Variants in PLAAT1 observed in about 807,000 individuals in gnomAD.
PLAAT1 encodes the protein H-REV107 protein-related protein.
A neutral mutation model predicts 16.4 loss-of-function variants in PLAAT1; 13 were observed. The ratio of observed to expected loss-of-function variants is 0.79; its 90% CI spans 0.52 to 1.26. The LOEUF is 1.26. PLAAT1 is among the 50% of genes most tolerant of loss of function. The probability of loss-of-function intolerance (pLI) is 0.00; values close to 1 mark genes in which losing one functional copy is unlikely to be tolerated. For synonymous variants in PLAAT1, 73 were observed against 78.4 expected (o/e 0.93, Z 0.36); for missense variants, 218 against 207.8 (o/e 1.05, Z -0.30).
At chr3:193,269,039 A>G (rs1716881538) in intron 3 of PLAAT1, among the ~76,000 whole-genome samples, 1 of 151,836 alleles carries the variant, frequency 6.6e-6, no homozygotes, top group South Asian at 2.1e-4. Flanking sequence ...ATCTGCTGGA[A>G]TTGTACTAGG....
chr3:193,259,107 T>C (rs10460912), intron 2 of PLAAT1, among the ~76,000 whole-genome samples: 63,300 of 152,008 alleles, frequency 0.42, 14,102 homozygotes, highest in African/African-American at 0.56. Flanking sequence ...CACAAATCCA[T>C]AAATATGATT....
intron 1 of PLAAT1, among the ~76,000 whole-genome samples, chr3:193,255,120 G>T (rs759319928): frequency 2.0e-5 from 3 of 152,248 alleles, no homozygotes; most frequent in Non-Finnish European, 2.9e-5. Flanking sequence ...AAAGACTTCT[G>T]ATCTGATTTT....
chr3:193,256,442 C>T (rs574583438), intron 2 of PLAAT1, among the ~76,000 whole-genome samples: 6 of 151,846 alleles, frequency 4.0e-5, no homozygotes, highest in Admixed American at 3.9e-4. Context: ...ATATAGTATC[C>T]CAGGTCAAGG....
At chr3:193,266,689 G>A (rs1186303690) in intron 3 of PLAAT1, among the ~76,000 whole-genome samples, 3 of 152,098 alleles carry the variant, frequency 2.0e-5, no homozygotes, top group East Asian at 1.9e-4. Context: ...TCAGCATACT[G>A]TATTATGTAT....
intron 2 of PLAAT1, among the ~76,000 whole-genome samples, chr3:193,258,085 T>A (rs1716443814): frequency 6.6e-6 from 1 of 152,088 alleles, no homozygotes; most frequent in South Asian, 2.1e-4. Flanking sequence ...ATCGTGTGAG[T>A]CAATACTCCT....
intron 1 of PLAAT1, among the ~76,000 whole-genome samples, chr3:193,251,629 G>A (rs983585405): frequency 2.0e-5 from 3 of 152,162 alleles, no homozygotes; most frequent in Admixed American, 6.6e-5. Context: ...AACATTAGGT[G>A]TAAGACAGAA....
At chr3:193,241,619 A>G (rs2108772987) in intron 1 of PLAAT1, 86 bp downstream of exon 1, 2 of 965,884 alleles carry the variant, frequency 2.1e-6, no homozygotes, top group Non-Finnish European at 2.7e-6. Context: ...AAAAGTTGAC[A>G]TGACTAGAGA....
At chr3:193,249,603 C>G (rs775123375) in intron 1 of PLAAT1, among the ~76,000 whole-genome samples, 29 of 152,154 alleles carry the variant, frequency 1.9e-4, no homozygotes, top group Admixed American at 3.3e-4. Flanking sequence ...GTCCCTTTCT[C>G]TCTTCCCTTT....
chr3:193,281,021 A>C (rs1039456520), downstream of PLAAT1: 2 of 174,982 alleles, frequency 1.1e-5, no homozygotes, highest in Non-Finnish European at 2.2e-5. Context: ...ATATTTATTC[A>C]TGCCTCACTT....
At chr3:193,240,909 G>A (rs770695205), upstream of PLAAT1, among the ~76,000 whole-genome samples, 170 of 152,198 alleles carry the variant, frequency 1.1e-3, no homozygotes, top group Non-Finnish European at 2.0e-3. Context: ...ACATTCCTGG[G>A]CTCAACAAAA....
intron 2 of PLAAT1, among the ~76,000 whole-genome samples, chr3:193,258,233 T>C (rs1716448925): frequency 6.6e-6 from 1 of 152,114 alleles, no homozygotes; most frequent in African/African-American, 2.4e-5. Flanking sequence ...AGACACAACT[T>C]ACCAAAATCT....
At chr3:193,281,228 G>A (rs968071856), downstream of PLAAT1, 3 of 985,130 alleles carry the variant, frequency 3.0e-6, no homozygotes, top group Admixed American at 6.1e-5. Flanking sequence ...CTGGGAAGAA[G>A]AGGACGCCTG....
intron 1 of PLAAT1, among the ~76,000 whole-genome samples, chr3:193,246,717 A>G (rs1188576325): frequency 6.6e-6 from 1 of 152,198 alleles, no homozygotes; most frequent in Non-Finnish European, 1.5e-5. Context: ...GATAAGTCCC[A>G]CTTGATTATG....
intron 3 of PLAAT1, among the ~76,000 whole-genome samples, chr3:193,264,895 C>G (rs1254387654): frequency 2.6e-5 from 4 of 152,106 alleles, no homozygotes; most frequent in Admixed American, 2.6e-4. Flanking sequence ...ATACTGGACT[C>G]TTTTTAGATA....
In PLAAT1 at chr3:193,270,638, C is replaced by T; in HGVS notation, c.440C>T (p.Thr147Ile). Reference sequence around the variant, plus strand: ...GCGATAAGTACCGTTGAGTTTGTGACAGCTGCTGTTGGTGTCTTCTCATTC... The same window carrying T: ...GCGATAAGTACCGTTGAGTTTGTGATAGCTGCTGTTGGTGTCTTCTCATTC... ...NRAISTVEFVTAAVGVFSFLG... is the reference protein window; with the variant it reads ...NRAISTVEFVIAAVGVFSFLG... Residue 147 changes from threonine (T) to isoleucine (I), a missense_variant, in exon 4 of 4, where the codon ACA becomes ATA. Thr to Ile is a moderately conservative substitution (Grantham distance 89). Coordinates refer to ENST00000264735, the MANE Select transcript of PLAAT1 (RefSeq NM_020386.5). 4 of 1,613,630 alleles carry T rather than the reference C, an allele frequency of 2.5e-6. No homozygotes were observed. The highest frequency in any genetic ancestry group is 3.4e-6 in the Non-Finnish European group (4 of 1,179,636).
chr3:193,267,108 A>G (rs531400050), intron 3 of PLAAT1, among the ~76,000 whole-genome samples: 1 of 151,476 alleles, frequency 6.6e-6, no homozygotes, highest in Non-Finnish European at 1.5e-5. Flanking sequence ...AAAGTATAGA[A>G]CTCTCTCCTC....
chr3:193,270,759 C>A lies in PLAAT1; in HGVS notation c.*54C>A. ...AGGAATTTGGGAGGAGGAAAAGAAA[C>A]CTGGGGTGAATACTTATTTTCAGTG... On this transcript the variant is annotated 3_prime_UTR_variant, in exon 4 of 4. Transcript: ENST00000264735. 1 of 1,588,174 alleles carries A rather than the reference C, an allele frequency of 6.3e-7. No individual in the cohort carries two copies. The highest frequency in any genetic ancestry group is 8.6e-7 in the Non-Finnish European group (1 of 1,166,114).
downstream of PLAAT1, chr3:193,270,872 A>T (rs1490120754): frequency 2.3e-6 from 3 of 1,302,266 alleles, no homozygotes; most frequent in African/African-American, 3.0e-5. Context: ...AGCCAATGAA[A>T]TTTTTTTCCC....
intron 1 of PLAAT1, among the ~76,000 whole-genome samples, chr3:193,248,246 G>C (rs1716054626): frequency 1.3e-5 from 2 of 152,010 alleles, no homozygotes; most frequent in Non-Finnish European, 2.9e-5. Context: ...GTTTCCATTT[G>C]TGTGGAATAT....
Sources: allele counts gnomAD v4.1 joint callset (sites outside exome capture counted in the v4.1 genomes callset), GRCh38; gene constraint gnomAD v4.1.1; transcripts MANE v1.5; gene names NCBI Gene and HGNC (gene_info 2026-07-23, HGNC 2026-07-21).